CCSER1: variants seen among roughly 807,000 people sequenced by gnomAD.
CCSER1 encodes coiled-coil serine rich protein 1.
Under a neutral mutation model 82.0 loss-of-function variants are expected in CCSER1, and 41 were observed. The ratio of observed to expected loss-of-function variants is 0.50; its 90% CI spans 0.39 to 0.65. The LOEUF is 0.65. CCSER1 is among the 30% of genes least tolerant of loss of function. The pLI, the probability that CCSER1 is intolerant of heterozygous loss-of-function variation, is 0.00. For missense variants in CCSER1, 1,119 were observed against 1,064.2 expected (o/e 1.05, Z -0.72); for synonymous variants, 414 against 383.9 (o/e 1.08, Z -0.92).
At chr4:90,736,491 T>G (rs1411009229) in intron 7 of CCSER1, among the ~76,000 whole-genome samples, 1 of 152,146 alleles carries the variant, frequency 6.6e-6, no homozygotes, top group African/African-American at 2.4e-5. Context: ...TTTTTTGTCT[T>G]GAAATCTACC....
chr4:90,396,248 T>TA (rs768244979), intron 3 of CCSER1, among the ~76,000 whole-genome samples: 29 of 152,352 alleles, frequency 1.9e-4, no homozygotes, highest in Admixed American at 5.2e-4. Flanking sequence ...CTGAAATGCA[T>TA]AATTGCACCC....
intron 10 of CCSER1, among the ~76,000 whole-genome samples, chr4:91,377,751 T>G (rs533842942): frequency 6.6e-6 from 1 of 152,320 alleles, no homozygotes; most frequent in African/African-American, 2.4e-5. Context: ...CTCTTTAGTT[T>G]AATTAGATCC....
chr4:90,137,141 C>G (rs981869375), intron 1 of CCSER1, among the ~76,000 whole-genome samples: 1 of 152,066 alleles, frequency 6.6e-6, no homozygotes, highest in African/African-American at 2.4e-5. Context: ...TAAATGAGCT[C>G]CACAGAAGTC....
chr4:91,296,171 A>G (rs911599106), intron 10 of CCSER1, among the ~76,000 whole-genome samples: 4 of 151,750 alleles, frequency 2.6e-5, no homozygotes, highest in African/African-American at 7.2e-5. Context: ...TATACAAAGT[A>G]CAAATGGTTT....
chr4:90,406,046 T>C (rs1323484446), intron 4 of CCSER1, among the ~76,000 whole-genome samples: 1 of 152,070 alleles, frequency 6.6e-6, no homozygotes, highest in Non-Finnish European at 1.5e-5. Flanking sequence ...GCCTAAATGC[T>C]CCACTGAAAA....
chr4:90,287,038 A>T (rs1730029942), intron 1 of CCSER1, among the ~76,000 whole-genome samples: 1 of 151,890 alleles, frequency 6.6e-6, no homozygotes, highest in Non-Finnish European at 1.5e-5. Context: ...AATTTACTAA[A>T]TGGTACCCTG....
intron 5 of CCSER1, among the ~76,000 whole-genome samples, chr4:90,486,127 T>G (rs1388863260): frequency 6.6e-6 from 1 of 152,212 alleles, no homozygotes; most frequent in East Asian, 1.9e-4. Flanking sequence ...AAAACATTCA[T>G]GGGCTTTGAT....
chr4:90,351,885 G>A (rs532784802), intron 3 of CCSER1, among the ~76,000 whole-genome samples: 2 of 152,306 alleles, frequency 1.3e-5, no homozygotes, highest in East Asian at 1.9e-4. Flanking sequence ...TGGCAGATCT[G>A]TGGATGGATG....
intron 9 of CCSER1, among the ~76,000 whole-genome samples, chr4:91,083,414 G>T (rs534057579): frequency 1.3e-5 from 2 of 152,116 alleles, no homozygotes; most frequent in South Asian, 4.2e-4. Context: ...CCTGCCGGGG[G>T]GTTGGCGGGG....
intron 5 of CCSER1, among the ~76,000 whole-genome samples, chr4:90,599,177 T>C (rs989233298): frequency 1.3e-5 from 2 of 152,208 alleles, no homozygotes; most frequent in Admixed American, 6.5e-5. Context: ...GTGGTTGATA[T>C]GGTTTGACTG....
At chr4:90,485,325 G>A (rs1766841546) in intron 5 of CCSER1, among the ~76,000 whole-genome samples, 1 of 152,164 alleles carries the variant, frequency 6.6e-6, no homozygotes, top group African/African-American at 2.4e-5. Context: ...GCACTTCCCA[G>A]GTGAGTCGAT....
At chr4:91,113,029 A>G (rs1372410949) in intron 10 of CCSER1, among the ~76,000 whole-genome samples, 1 of 152,208 alleles carries the variant, frequency 6.6e-6, no homozygotes, top group Non-Finnish European at 1.5e-5. Flanking sequence ...AGAAGAAGTT[A>G]CCTATTCTGT....
rs966037616 is a variant in CCSER1 at position 90,839,156 on chromosome 4, G to A, written c.2094+23311G>A. On this transcript the variant is annotated intron_variant, in intron 8 of 10. Transcript: ENST00000509176. Reference sequence around the variant, plus strand: ...ATAATGTTTGCATTTCTTCTATATTGCTAACTTCTTTGAGAAATATTATTA... The same window carrying A: ...ATAATGTTTGCATTTCTTCTATATTACTAACTTCTTTGAGAAATATTATTA... The A allele has an allele frequency of 3.9e-6, 3 of 771,438 alleles. No individual in the cohort carries two copies. The African/African-American group carries it at 5.2e-5, about 13-fold the overall frequency. 47.8% of individuals were successfully genotyped at this position (771,438 alleles called of 1,614,324 possible).
At chr4:90,756,768 C>T (rs999016083) in intron 7 of CCSER1, among the ~76,000 whole-genome samples, 9 of 152,156 alleles carry the variant, frequency 5.9e-5, no homozygotes, top group African/African-American at 9.7e-5. Flanking sequence ...TTTACTGCAT[C>T]TTCTAAAATA....
intron 7 of CCSER1, among the ~76,000 whole-genome samples, chr4:90,744,060 A>G (rs1050383209): frequency 2.0e-5 from 3 of 152,178 alleles, no homozygotes; most frequent in Admixed American, 1.3e-4. Context: ...ATAAGATTTT[A>G]TGTAAAGGTA....
In CCSER1 at chr4:90,528,511, A is replaced by G. The variant is rs567320930; in HGVS notation, c.1724+60157A>G. On this transcript the variant is annotated intron_variant, in intron 5 of 10. Coordinates refer to ENST00000509176, the MANE Select transcript of CCSER1 (RefSeq NM_001145065.2). ...TTGATTTAGAACTTTGTCTTTAGCA[A>G]TGCAGTTTTAGAAATTTGATTTTAT... 3.3e-5 allele frequency among the ~76,000 whole-genome samples: 5 copies of G among 152,318 alleles called. No individual in the cohort carries two copies. The East Asian group carries it at 5.8e-4, about 18-fold the overall frequency.
chr4:90,394,430 G>T (rs1161288568), intron 3 of CCSER1, among the ~76,000 whole-genome samples: 2 of 152,082 alleles, frequency 1.3e-5, no homozygotes, highest in Non-Finnish European at 2.9e-5. Context: ...AGTCAGTATG[G>T]CTGAAAGATT....
intron 8 of CCSER1, among the ~76,000 whole-genome samples, chr4:90,848,315 T>C (rs1486611937): frequency 6.6e-6 from 1 of 152,160 alleles, no homozygotes; most frequent in Non-Finnish European, 1.5e-5. Context: ...AAGTGATATT[T>C]ATAGAAATTA....
chr4:91,040,594 A>G (rs1042009828), intron 9 of CCSER1, among the ~76,000 whole-genome samples: 1 of 152,198 alleles, frequency 6.6e-6, no homozygotes, highest in African/African-American at 2.4e-5. Context: ...CATTTGCACA[A>G]AAGATGTGCA....
Sources: gnomAD v4.1 joint callset for allele counts (sites outside exome capture counted in the v4.1 genomes callset) on GRCh38, gnomAD v4.1.1 for gene constraint, MANE v1.5 for transcripts, NCBI Gene and HGNC (gene_info 2026-07-23, HGNC 2026-07-21) for gene names.